ANKS1A: variants seen among roughly 807,000 people sequenced by gnomAD.
The protein encoded by ANKS1A is ankyrin repeat and SAM domain-containing protein 1A.
A neutral mutation model predicts 120.3 loss-of-function variants in ANKS1A; 55 were observed. The observed-to-expected ratio is 0.46, with a 90% CI of 0.37 to 0.57. The LOEUF is 0.57. Among genes scored for constraint, ANKS1A ranks in the 20% least tolerant of loss-of-function variants. The probability of loss-of-function intolerance (pLI) is 0.00; values close to 1 mark genes in which losing one functional copy is unlikely to be tolerated. For missense variants in ANKS1A, 1,123 were observed against 1,480.3 expected (o/e 0.76, Z 3.96); for synonymous variants, 590 against 604.7 (o/e 0.98, Z 0.36).
At chr6:34,936,595 C>T (rs1345939872) in intron 1 of ANKS1A, among the ~76,000 whole-genome samples, 3 of 152,166 alleles carry the variant, frequency 2.0e-5, no homozygotes, top group Non-Finnish European at 4.4e-5. Context: ...GAATATGTTT[C>T]CTTCCTTAAT....
At chr6:35,023,012 C>T (rs1396900668) in intron 11 of ANKS1A, among the ~76,000 whole-genome samples, 5 of 152,152 alleles carry the variant, frequency 3.3e-5, no homozygotes, top group African/African-American at 1.2e-4. Context: ...TTCCACCTGC[C>T]CTTCAGGTCC....
At chr6:34,916,236 A>G (rs1768156705) in intron 1 of ANKS1A, among the ~76,000 whole-genome samples, 2 of 152,148 alleles carry the variant, frequency 1.3e-5, no homozygotes, top group Non-Finnish European at 1.5e-5. Context: ...CAGGTGATCC[A>G]TCTGCCTCGG....
chr6:34,978,622 A>G (rs180949903), intron 3 of ANKS1A, among the ~76,000 whole-genome samples: 279 of 152,114 alleles, frequency 1.8e-3, no homozygotes, highest in African/African-American at 6.3e-3. Context: ...CCTGACCAAC[A>G]TAGAGAAACC....
intron 3 of ANKS1A, among the ~76,000 whole-genome samples, chr6:34,976,566 T>C (rs888873763): frequency 6.6e-6 from 1 of 152,166 alleles, no homozygotes; most frequent in African/African-American, 2.4e-5. Flanking sequence ...TGAAAGGGAC[T>C]TGGAATTTTA....
intron 3 of ANKS1A, among the ~76,000 whole-genome samples, chr6:34,979,518 C>G (rs1382875629): frequency 6.6e-6 from 1 of 152,060 alleles, no homozygotes; most frequent in African/African-American, 2.4e-5. Context: ...ATGACCTTGC[C>G]TTTAGCAGGG....
Position 35,089,115 on chromosome 6 carries a change from G to A in ANKS1A, c.*506G>A. On this transcript the variant is annotated 3_prime_UTR_variant, in exon 24 of 24. Coordinates refer to ENST00000360359, the MANE Select transcript of ANKS1A (RefSeq NM_015245.3). ...GAGGGGAACGGAGCAGGCTCAGGCA[G>A]AATTGAGTACGGTGCGTCTGCTTTT... 9.7e-7 allele frequency: 1 copy of A among 1,030,718 alleles called. No individual in the cohort carries two copies. Among genetic ancestry groups the A allele is most frequent in the Non-Finnish European group, 1.2e-6 (1 of 855,780 alleles). 63.8% of individuals were successfully genotyped at this position (1,030,718 alleles called of 1,614,324 possible).
At chr6:34,967,580 C>T (rs1770965227) in intron 2 of ANKS1A, among the ~76,000 whole-genome samples, 1 of 151,606 alleles carries the variant, frequency 6.6e-6, no homozygotes, top group African/African-American at 2.4e-5. Flanking sequence ...TGCCTGAAGT[C>T]CTAGCTACTC....
intron 1 of ANKS1A, among the ~76,000 whole-genome samples, chr6:34,911,456 G>A (rs576490072): frequency 4.6e-5 from 7 of 151,316 alleles, no homozygotes; most frequent in African/African-American, 1.5e-4. Flanking sequence ...GGATAACAGT[G>A]GGGGGGATCC....
chr6:35,011,220 A>C (rs1013641815), intron 10 of ANKS1A, among the ~76,000 whole-genome samples: 2 of 152,234 alleles, frequency 1.3e-5, no homozygotes, highest in Non-Finnish European at 1.5e-5. Flanking sequence ...GACTCAAGTC[A>C]GTTGTTTCTT....
chr6:35,075,565 G>A (rs563438752), intron 13 of ANKS1A, among the ~76,000 whole-genome samples: 9 of 151,946 alleles, frequency 5.9e-5, no homozygotes, highest in South Asian at 2.1e-4. Flanking sequence ...ACAGGCGTCC[G>A]CCACCACACC....
At chr6:35,087,881 A>G (rs1197280097) in intron 23 of ANKS1A, among the ~76,000 whole-genome samples, 1 of 152,166 alleles carries the variant, frequency 6.6e-6, no homozygotes. Flanking sequence ...CAGCCCCTCT[A>G]TCTTCGCCAT....
At chr6:34,913,726 C>T (rs1253289944) in intron 1 of ANKS1A, among the ~76,000 whole-genome samples, 1 of 151,538 alleles carries the variant, frequency 6.6e-6, no homozygotes, top group Non-Finnish European at 1.5e-5. Flanking sequence ...CTCCGCCTCC[C>T]TGGTTTAAGT....
chr6:34,939,173 G>T (rs1335579936), intron 1 of ANKS1A, among the ~76,000 whole-genome samples: 1 of 152,132 alleles, frequency 6.6e-6, no homozygotes, highest in Non-Finnish European at 1.5e-5. Context: ...GAGTATAAGG[G>T]AGCCAATTAA....
At chr6:34,965,887 T>C (rs951632027) in intron 1 of ANKS1A, among the ~76,000 whole-genome samples, 1 of 152,138 alleles carries the variant, frequency 6.6e-6, no homozygotes, top group Admixed American at 6.5e-5. Flanking sequence ...GCTGGGATTA[T>C]AGGTGCACAC....
chr6:34,915,215 T>C (rs565326045), intron 1 of ANKS1A, among the ~76,000 whole-genome samples: 111 of 152,324 alleles, frequency 7.3e-4, no homozygotes, highest in Non-Finnish European at 1.2e-3. Flanking sequence ...TTTGTTTTTC[T>C]CACTATGTCT....
At position 35,088,903 on chromosome 6, in the gene ANKS1A, A is replaced by G; in HGVS notation, c.*294A>G. On this transcript the variant is annotated 3_prime_UTR_variant, in exon 24 of 24. Coordinates refer to ENST00000360359, the MANE Select transcript of ANKS1A (RefSeq NM_015245.3). ...TTTTTAACAGAAAAAAAATCTTTTTATAAAATGAACTTTTAACACTTGGCT... is the reference window on the plus strand; with the variant it reads ...TTTTTAACAGAAAAAAAATCTTTTTGTAAAATGAACTTTTAACACTTGGCT... 1 of 1,394,472 alleles carries G rather than the reference A, an allele frequency of 7.2e-7. No individual in the cohort carries two copies. Among genetic ancestry groups the G allele is most frequent in the Non-Finnish European group, 9.3e-7 (1 of 1,074,932 alleles). 86.4% of individuals were successfully genotyped at this position (1,394,472 alleles called of 1,614,324 possible). A position where few individuals can be genotyped will look rare whatever the true frequency, so the allele number is the denominator to read the frequency against.
intron 1 of ANKS1A, among the ~76,000 whole-genome samples, chr6:34,934,413 G>T (rs1769145835): frequency 6.6e-6 from 1 of 152,206 alleles, no homozygotes; most frequent in Admixed American, 6.5e-5. Context: ...CTCCCAAAGT[G>T]CTGGGATTAC....
chr6:34,911,971 G>T (rs978987001), intron 1 of ANKS1A, among the ~76,000 whole-genome samples: 36 of 152,084 alleles, frequency 2.4e-4, no homozygotes, highest in African/African-American at 8.0e-4. Flanking sequence ...GTTGTGTTCA[G>T]GAACCATTAA....
At chr6:34,895,214 TA>T (rs1010255886) in intron 1 of ANKS1A, among the ~76,000 whole-genome samples, 82 of 147,226 alleles carry the variant, frequency 5.6e-4, no homozygotes, top group South Asian at 1.5e-3. Context: ...TTTTTTTAAT[TA>T]AAAAAAAAAA....
Sources: allele counts gnomAD v4.1 joint callset (sites outside exome capture counted in the v4.1 genomes callset), GRCh38; gene constraint gnomAD v4.1.1; transcripts MANE v1.5; gene names NCBI Gene and HGNC (gene_info 2026-07-23, HGNC 2026-07-21).